The following ARHGAP25 variants were observed in gnomAD, a reference collection of about 807,000 sequenced individuals.
ARHGAP25 encodes the protein Rho GTPase activating protein 25, also known as rho GTPase-activating protein 25.
ARHGAP25 carries 34 observed loss-of-function variants against 71.0 expected under a neutral mutation model. That is an observed-to-expected ratio of 0.48 (90% CI 0.36 to 0.64). ARHGAP25 has a LOEUF of 0.64. Among genes scored for constraint, ARHGAP25 ranks in the 30% least tolerant of loss-of-function variants. ARHGAP25 has a pLI of 0.00. For synonymous variants in ARHGAP25, 282 were observed against 296.5 expected (o/e 0.95, Z 0.50); for missense variants, 706 against 805.1 (o/e 0.88, Z 1.49).
chr2:68,763,720 CAG>C (rs1293587680), intron 1 of ARHGAP25, among the ~76,000 whole-genome samples: 3 of 152,264 alleles, frequency 2.0e-5, no homozygotes, highest in East Asian at 3.9e-4. Context: ...TCTAACTCTG[CAG>C]AGTTTCTGGC....
At chr2:68,761,946 G>T (rs1227370292) in intron 1 of ARHGAP25, among the ~76,000 whole-genome samples, 1 of 152,110 alleles carries the variant, frequency 6.6e-6, no homozygotes, top group African/African-American at 2.4e-5. Flanking sequence ...GTTCATAGCA[G>T]CATCATTTGT....
chr2:68,749,591 C>T (rs745343553), intron 1 of ARHGAP25, among the ~76,000 whole-genome samples: 20 of 152,190 alleles, frequency 1.3e-4, no homozygotes, highest in Non-Finnish European at 2.6e-4. Context: ...AGAGCAGTCA[C>T]CCTGAGGCTA....
At chr2:68,716,547 A>T (rs12713659) in intron 2 of ARHGAP25, among the ~76,000 whole-genome samples, 1 of 151,944 alleles carries the variant, frequency 6.6e-6, no homozygotes, top group African/African-American at 2.4e-5. Flanking sequence ...TCCTTCCCTG[A>T]AGCTTGGGTG....
intron 4 of ARHGAP25, among the ~76,000 whole-genome samples, chr2:68,799,235 A>G (rs547876760): frequency 5.3e-5 from 8 of 152,168 alleles, no homozygotes; most frequent in Non-Finnish European, 1.0e-4. Context: ...TAATGAATGG[A>G]GAATAAACAC....
intron 2 of ARHGAP25, among the ~76,000 whole-genome samples, chr2:68,724,279 T>G (rs560848957): frequency 1.3e-5 from 2 of 152,240 alleles, no homozygotes; most frequent in South Asian, 4.1e-4. Context: ...CCCTGAACTC[T>G]CCAGGTGTTA....
At position 68,826,241 on chromosome 2, in the gene ARHGAP25, G is replaced by T. The variant is rs1011967966; in HGVS notation, c.*47G>T. Reference sequence around the variant, plus strand: ...GACAGCCCCAGAGAGGCCCAACTCTGGCCCCTTTCTCAGTGCTATCTGATG... The same window carrying T: ...GACAGCCCCAGAGAGGCCCAACTCTTGCCCCTTTCTCAGTGCTATCTGATG... On this transcript the variant is annotated 3_prime_UTR_variant, in exon 11 of 11. Coordinates refer to ENST00000409202, the MANE Select transcript of ARHGAP25 (RefSeq NM_001007231.3). 5 of 1,565,856 alleles carry T rather than the reference G, an allele frequency of 3.2e-6. No homozygotes were observed. In the African/African-American group the frequency reaches 6.8e-5, roughly 21 times the overall value.
rs115072232 is a variant in ARHGAP25, at chr2:68,749,564, C to T, written c.61+14304C>T. Reference sequence around the variant, plus strand: ...TGAGCACCCCAGTGCTTGCGAGTGTCGATAGCTTTGTCGATCAGAGCAGTC... The same window carrying T: ...TGAGCACCCCAGTGCTTGCGAGTGTTGATAGCTTTGTCGATCAGAGCAGTC... On this transcript the variant is annotated intron_variant, in intron 1 of 10. Coordinates refer to ENST00000409202, the MANE Select transcript of ARHGAP25 (RefSeq NM_001007231.3). 6.2e-3 allele frequency among the ~76,000 whole-genome samples: 942 copies of T among 152,302 alleles called. 11 individuals carry two copies. Among genetic ancestry groups the T allele is most frequent in the African/African-American group, 0.021 (892 of 41,564 alleles).
At chr2:68,788,148 C>A (rs529740223) in intron 4 of ARHGAP25, among the ~76,000 whole-genome samples, 192 bp downstream of exon 4, 4 of 152,230 alleles carry the variant, frequency 2.6e-5, no homozygotes, top group African/African-American at 9.6e-5. Context: ...CTTCCCACCC[C>A]CTGCGGCACC....
chr2:68,772,618 T>C (rs1474585894), intron 1 of ARHGAP25, among the ~76,000 whole-genome samples: 3 of 152,250 alleles, frequency 2.0e-5, no homozygotes. Context: ...ATAAGAGTCC[T>C]TGCAAGGTAT....
At chr2:68,734,027 T>C (rs1675096547), upstream of ARHGAP25, among the ~76,000 whole-genome samples, 13 of 152,242 alleles carry the variant, frequency 8.5e-5, no homozygotes, top group Admixed American at 8.5e-4. Context: ...GCCCAAATGC[T>C]TAAGCACTAG....
chr2:68,825,941 A>G, intron 10 of ARHGAP25, 46 bp from the exon 11 acceptor site: 1 of 1,538,686 alleles, frequency 6.5e-7, no homozygotes, highest in Non-Finnish European at 8.9e-7. Flanking sequence ...GGAAGAGTCT[A>G]GAATGAATGC....
upstream of ARHGAP25, chr2:68,734,803 G>A (rs1675120901): frequency 4.5e-6 from 1 of 223,364 alleles, no homozygotes; most frequent in East Asian, 1.1e-4. Flanking sequence ...ACAAAACCAA[G>A]AGGCAGCAGT....
At position 68,795,227 on chromosome 2, in the gene ARHGAP25, T is replaced by A. The variant is rs1302146686; in HGVS notation, c.466+7271T>A. ...CTTTTTGAAAAGCCAACTTTTCATTTTGTTGATCCCTTGTATTGTTTCTTT... is the reference window on the plus strand; with the variant it reads ...CTTTTTGAAAAGCCAACTTTTCATTATGTTGATCCCTTGTATTGTTTCTTT... On this transcript the variant is annotated intron_variant, in intron 4 of 10. Coordinates refer to ENST00000409202, the MANE Select transcript of ARHGAP25 (RefSeq NM_001007231.3). 2.6e-5 allele frequency among the ~76,000 whole-genome samples: 4 copies of A among 152,136 alleles called. No homozygotes were observed. In the East Asian group the frequency reaches 7.7e-4, roughly 29 times the overall value.
chr2:68,826,829 A>C lies in ARHGAP25; in HGVS notation c.*635A>C, dbSNP rs947969791. On this transcript the variant is annotated 3_prime_UTR_variant, in exon 11 of 11. Transcript: ENST00000409202. Reference sequence around the variant, plus strand: ...ATTCAAATAAAGCAAAAATTAAAAAAAAAAGGCTATTGCTAATCCATACGG... The same window carrying C: ...ATTCAAATAAAGCAAAAATTAAAAACAAAAGGCTATTGCTAATCCATACGG... 6.4e-6 allele frequency: 1 copy of C among 156,070 alleles called. No homozygotes were observed. Among genetic ancestry groups the C allele is most frequent in the Non-Finnish European group, 1.4e-5 (1 of 70,396 alleles). The allele number at this position is 156,070 out of a possible 1,614,324, so 9.7% of individuals were successfully genotyped here.
Position 68,823,193 on chromosome 2 carries a change from A to G in ARHGAP25, c.1733+321A>G, listed in dbSNP as rs1681839193. ...AATTTTTTTTATGTTAAGGTCATTC[A>G]TTGATTCTGCAAATATTCCTCGAGC... On this transcript the variant is annotated intron_variant, in intron 10 of 10. Coordinates refer to ENST00000409202, the MANE Select transcript of ARHGAP25 (RefSeq NM_001007231.3). Among the ~76,000 whole-genome samples the G allele has an allele frequency of 2.0e-5, 3 of 152,204 alleles. No homozygotes were observed. In the South Asian group the frequency reaches 6.2e-4, roughly 32 times the overall value.
At chr2:68,727,418 T>C (rs1674911493) in intron 2 of ARHGAP25, among the ~76,000 whole-genome samples, 1 of 152,132 alleles carries the variant, frequency 6.6e-6, no homozygotes, top group Non-Finnish European at 1.5e-5. Flanking sequence ...CCTGGCACAG[T>C]CTCCCAGGAA....
intron 2 of ARHGAP25, among the ~76,000 whole-genome samples, chr2:68,778,617 G>A (rs1678095393): frequency 6.6e-6 from 1 of 152,150 alleles, no homozygotes; most frequent in African/African-American, 2.4e-5. Flanking sequence ...CACATACACT[G>A]ATGATGTGTG....
intron 4 of ARHGAP25, among the ~76,000 whole-genome samples, chr2:68,789,144 T>C (rs2104404811): frequency 6.6e-6 from 1 of 152,230 alleles, no homozygotes; most frequent in African/African-American, 2.4e-5. Context: ...ACCATTCTCC[T>C]GTCTCAGCCT....
intron 8 of ARHGAP25, among the ~76,000 whole-genome samples, chr2:68,818,580 G>A (rs751194979): frequency 7.2e-5 from 11 of 152,174 alleles, no homozygotes; most frequent in Non-Finnish European, 1.0e-4. Context: ...TTCCCACCTC[G>A]GCCTCCCAAA....
Sources: allele counts gnomAD v4.1 joint callset (sites outside exome capture counted in the v4.1 genomes callset), GRCh38; gene constraint gnomAD v4.1.1; transcripts MANE v1.5; gene names NCBI Gene and HGNC (gene_info 2026-07-23, HGNC 2026-07-21).